The following GEMIN5 variants were observed in gnomAD, a reference collection of about 807,000 sequenced individuals.
GEMIN5 encodes gem nuclear organelle associated protein 5.
In GEMIN5, 124 loss-of-function variants were observed where a neutral mutation model predicts 176.9. That is an observed-to-expected ratio of 0.70 (90% CI 0.61 to 0.81). The LOEUF is 0.81. Ranked by LOEUF, GEMIN5 falls within the 40% of genes least tolerant of loss-of-function variation. The pLI, the probability that GEMIN5 is intolerant of heterozygous loss-of-function variation, is 0.00. For synonymous variants in GEMIN5, 673 were observed against 665.2 expected (o/e 1.01, Z -0.18); for missense variants, 1,843 against 1,814.6 (o/e 1.02, Z -0.28).
At position 154,907,618 on chromosome 5, in the gene GEMIN5, C is replaced by T. The variant is rs930684055; in HGVS notation, c.2368G>A (p.Glu790Lys). The part of the protein sequence containing the change: ...QEGEEQAREP[E>K]LPCGLAPAVS... ...GCTGGAGCAAGGCCACAGGGTAATT[C>T]CGGCTCCCGTGCTTGCTCCTCCCCT... is the stretch of plus-strand genomic sequence containing the variant. The change falls in exon 16 of 28, where the codon GAA becomes AAA. Residue 790 changes from glutamate to lysine, a missense_variant. Transcript: ENST00000285873. The T allele has an allele frequency of 4.3e-6, 7 of 1,613,852 alleles. No homozygotes were observed. The highest frequency in any genetic ancestry group is 5.9e-6 in the Non-Finnish European group (7 of 1,179,902).
At chr5:154,898,291 T>C in intron 23 of GEMIN5, 149 bp downstream of exon 23, 1 of 698,164 alleles carries the variant, frequency 1.4e-6, no homozygotes, top group East Asian at 2.5e-5. Flanking sequence ...TAACAAGTCA[T>C]AGTACTTCAG....
rs1350345494 is a variant in GEMIN5, at chr5:154,907,772, C to T, written c.2214G>A (p.Lys738=). The T allele has an allele frequency of 4.3e-6, 7 of 1,613,982 alleles. No homozygotes were observed. The highest frequency in any genetic ancestry group is 5.9e-6 in the Non-Finnish European group (7 of 1,179,996). The part of the protein sequence containing the change: ...ELEKKRLSQP[K]AKPKKKKKPT... ...GCTTTTTCTTCTTTTTGGGCTTTGC[C>T]TTAGGTTGAGAGAGCCGTTTTTTCT... The change falls in exon 16 of 28, where the codon AAG becomes AAA. Residue 738 remains lysine, a synonymous_variant. Transcript: ENST00000285873.
chr5:154,888,194 C>G lies in GEMIN5; in HGVS notation c.*16G>C. The G allele has an allele frequency of 6.2e-7, 1 of 1,613,042 alleles. No homozygotes were observed. Among genetic ancestry groups the G allele is most frequent in the East Asian group, 2.2e-5 (1 of 44,860 alleles). On this transcript the variant is annotated 3_prime_UTR_variant, in exon 28 of 28. Coordinates refer to ENST00000285873, the MANE Select transcript of GEMIN5 (RefSeq NM_015465.5). ...AACATTTTCAATTTGGCAGTTTCTT[C>G]AAGGTGTGTGAAAATTCACATACAG...
Position 154,938,197 on chromosome 5 carries a change from G to T in GEMIN5, c.-64C>A. 8.0e-7 allele frequency: 1 copy of T among 1,248,912 alleles called. No individual in the cohort carries two copies. The highest frequency in any genetic ancestry group is 1.0e-6 in the Non-Finnish European group (1 of 971,192). The allele number at this position is 1,248,912 out of a possible 1,614,324, so 77.4% of individuals were successfully genotyped here. ...CGACCGCTCGTAGCCTCACGCCTTAGGTAGGGAGCGGGGCGGGGTGAACTC... is the reference window on the plus strand; with the variant it reads ...CGACCGCTCGTAGCCTCACGCCTTATGTAGGGAGCGGGGCGGGGTGAACTC... On this transcript the variant is annotated 5_prime_UTR_variant, in exon 1 of 28. Transcript: ENST00000285873.
intron 17 of GEMIN5, among the ~76,000 whole-genome samples, chr5:154,904,846 A>G (rs1202625624): frequency 6.6e-6 from 1 of 152,222 alleles, no homozygotes; most frequent in Non-Finnish European, 1.5e-5. Context: ...TAGTGTCAAC[A>G]ACTGCAAAAC....
chr5:154,917,836 G>A, intron 12 of GEMIN5, 95 bp downstream of exon 12: 2 of 815,152 alleles, frequency 2.5e-6, no homozygotes, highest in South Asian at 2.7e-5. Flanking sequence ...ATACAACTGG[G>A]CCGCCCCAGC....
intron 9 of GEMIN5, 138 bp downstream of exon 9, chr5:154,924,331 T>C (rs1763983569): frequency 1.5e-6 from 1 of 654,042 alleles, no homozygotes. Context: ...TGGAAGAGTC[T>C]ACCAAACAAC....
In GEMIN5 at chr5:154,916,976, G is replaced by C. The variant is rs148584245; in HGVS notation, c.1855+22C>G. 1,669 of 1,418,308 alleles carry C rather than the reference G, an allele frequency of 1.2e-3. 20 individuals are homozygous for C. The African/African-American group carries it at 0.022, about 18-fold the overall frequency. 87.9% of individuals were successfully genotyped at this position (1,418,308 alleles called of 1,614,324 possible). A position where few individuals can be genotyped will look rare whatever the true frequency, so the allele number is the denominator to read the frequency against. On this transcript the variant is annotated intron_variant, in intron 13 of 27. Transcript: ENST00000285873. ...AGCTGAACAAACGATATCATCCCCA[G>C]TATGAAAGAAACCAAAGTTACCTAT...
intron 13 of GEMIN5, among the ~76,000 whole-genome samples, chr5:154,913,914 C>T (rs1582664489): frequency 6.6e-6 from 1 of 152,110 alleles, no homozygotes; most frequent in Admixed American, 6.6e-5. Flanking sequence ...GGTGGGAGGA[C>T]GGCTTGAGTC....
At position 154,888,033 on chromosome 5, in the gene GEMIN5, G is replaced by C; in HGVS notation, c.*177C>G. On this transcript the variant is annotated 3_prime_UTR_variant, in exon 28 of 28. Coordinates refer to ENST00000285873, the MANE Select transcript of GEMIN5 (RefSeq NM_015465.5). ...GAGACCACAATTGAGTCTAAAGTCA[G>C]ATCCACCGTTGTCTATGGGTAGGCA... 1.6e-6 allele frequency: 1 copy of C among 606,434 alleles called. No homozygotes were observed. Among genetic ancestry groups the C allele is most frequent in the Non-Finnish European group, 2.9e-6 (1 of 347,238 alleles). The allele number at this position is 606,434 out of a possible 1,614,324, so 37.6% of individuals were successfully genotyped here. A position where few individuals can be genotyped will look rare whatever the true frequency, so the allele number is the denominator to read the frequency against.
At position 154,932,158 on chromosome 5, in the gene GEMIN5, A is replaced by G. The variant is rs1269677468; in HGVS notation, c.602T>C (p.Ile201Thr). Residue 201 changes from isoleucine (I) to threonine (T), a missense_variant, in exon 4 of 28, where the codon ATA becomes ACA. Ile to Thr is a moderately conservative substitution (Grantham distance 89, BLOSUM62 -1). Coordinates refer to ENST00000285873, the MANE Select transcript of GEMIN5 (RefSeq NM_015465.5). ...LRGHDDEIHS[I>T]AWCPLPGEDC... ...TTCACCAGGCAGGGGACACCAGGCT[A>G]TGGAGTGGATTTCATCATCATGGCC... is the stretch of plus-strand genomic sequence containing the variant. The G allele has an allele frequency of 1.9e-6, 3 of 1,613,024 alleles. No homozygotes were observed. The highest frequency in any genetic ancestry group is 2.2e-5 in the South Asian group (2 of 91,060).
Position 154,888,315 on chromosome 5 carries a change from A to G in GEMIN5, c.4422T>C (p.Phe1474=). The change falls in exon 28 of 28, where the codon TTT becomes TTC. Residue 1474 remains phenylalanine, a synonymous_variant. Transcript: ENST00000285873. ...CLVLLLIRSH[F]PGCLAQEMQQ... ...GCATTTCCTGGGCCAGACAGCCAGG[A>G]AAGTGGGACCTGATGAGAAGCAGGA... 6.2e-7 allele frequency: 1 copy of G among 1,614,210 alleles called. No homozygotes were observed. Among genetic ancestry groups the G allele is most frequent in the Non-Finnish European group, 8.5e-7 (1 of 1,180,026 alleles).
chr5:154,905,169 G>C (rs965045521), intron 17 of GEMIN5, among the ~76,000 whole-genome samples, 194 bp downstream of exon 17: 1 of 152,108 alleles, frequency 6.6e-6, no homozygotes, highest in African/African-American at 2.4e-5. Flanking sequence ...ACTCCAGCCT[G>C]GGTGACTGGA....
intron 6 of GEMIN5, among the ~76,000 whole-genome samples, chr5:154,928,229 T>G (rs527241297): frequency 4.6e-5 from 7 of 152,306 alleles, no homozygotes; most frequent in African/African-American, 1.7e-4. Flanking sequence ...ACACTTGAAG[T>G]GACTGAAGCT....
chr5:154,892,874 A>G (rs973394383), intron 24 of GEMIN5, among the ~76,000 whole-genome samples: 1 of 151,990 alleles, frequency 6.6e-6, no homozygotes, highest in Non-Finnish European at 1.5e-5. Context: ...CAAGGTGGGC[A>G]GATCACAAGG....
chr5:154,900,618 A>T (rs1763442476), intron 21 of GEMIN5, among the ~76,000 whole-genome samples: 1 of 152,226 alleles, frequency 6.6e-6, no homozygotes, highest in African/African-American at 2.4e-5. Context: ...AGTTGAGAAG[A>T]GGAAACAATG....
At chr5:154,891,136 C>T (rs554219651) in intron 26 of GEMIN5, 105 bp downstream of exon 26, 8 of 867,842 alleles carry the variant, frequency 9.2e-6, no homozygotes, top group Middle Eastern at 5.1e-4. Context: ...GCCAAGTGAT[C>T]CTCCTGCTTC....
At chr5:154,894,346 G>T (rs1317509013) in intron 24 of GEMIN5, among the ~76,000 whole-genome samples, 1 of 152,164 alleles carries the variant, frequency 6.6e-6, no homozygotes, top group African/African-American at 2.4e-5. Context: ...CTAGTTTTTG[G>T]CTACTGTGCA....
intron 2 of GEMIN5, among the ~76,000 whole-genome samples, 187 bp from the exon 3 acceptor site, chr5:154,936,209 G>A (rs1245090362): frequency 6.6e-6 from 1 of 152,158 alleles, no homozygotes; most frequent in African/African-American, 2.4e-5. Flanking sequence ...CAGGTAAGGA[G>A]ATCGAGACCA....
Sources: gnomAD v4.1 joint callset for allele counts (sites outside exome capture counted in the v4.1 genomes callset) on GRCh38, gnomAD v4.1.1 for gene constraint, MANE v1.5 for transcripts, NCBI Gene and HGNC (gene_info 2026-07-23, HGNC 2026-07-21) for gene names.